USP46: variants seen among roughly 807,000 people sequenced by gnomAD.
The protein encoded by USP46 is ubiquitin carboxyl-terminal hydrolase 46.
A neutral mutation model predicts 44.4 loss-of-function variants in USP46; 12 were observed. The ratio of observed to expected loss-of-function variants is 0.27; its 90% CI spans 0.17 to 0.44. The LOEUF (loss-of-function observed/expected upper bound fraction) is 0.44, where lower values mean the gene tolerates loss of function less well. USP46 is among the 20% of genes least tolerant of loss of function. The probability of loss-of-function intolerance (pLI) is 1.00; values close to 1 mark genes in which losing one functional copy is unlikely to be tolerated. For synonymous variants in USP46, 155 were observed against 161.5 expected (o/e 0.96, Z 0.31); for missense variants, 248 against 444.8 (o/e 0.56, Z 3.98).
intron 5 of USP46, 86 bp downstream of exon 5, chr4:52,610,455 A>G: frequency 8.4e-7 from 1 of 1,188,488 alleles, no homozygotes; most frequent in Non-Finnish European, 1.2e-6. Flanking sequence ...AGAAGGGAAG[A>G]TTATGTCCTG....
chr4:52,636,799 T>A (rs924375316), intron 1 of USP46, among the ~76,000 whole-genome samples: 1 of 150,956 alleles, frequency 6.6e-6, no homozygotes, highest in Non-Finnish European at 1.5e-5. Context: ...AGGTGTTCCA[T>A]AATAAAATCT....
intron 1 of USP46, among the ~76,000 whole-genome samples, chr4:52,635,183 T>C (rs965278414): frequency 8.6e-5 from 13 of 151,738 alleles, no homozygotes; most frequent in Middle Eastern, 6.8e-3. Context: ...CCAGAACCTC[T>C]AGTCCTCTAC....
rs71195120 is a variant in USP46, at chr4:52,632,990, A to AAAAGAAAGAAAG, written c.37-1858_37-1847dup. ...AAAGAAAGAAAGAAAGAAAGAAAAG[A>AAAAGAAAGAAAG]AAAGAAAGAAAGAAAGAAAGAAAGA... On this transcript the variant is annotated intron_variant, in intron 1 of 8. Transcript: ENST00000441222. Among the ~76,000 whole-genome samples, 599 of 66,168 alleles carry AAAAGAAAGAAAG rather than the reference A, an allele frequency of 9.1e-3. 16 individuals carry two copies. Among genetic ancestry groups the AAAAGAAAGAAAG allele is most frequent in the African/African-American group, 0.014 (227 of 16,466 alleles). The allele number at this position is 66,168 out of a possible 152,430, so 43.4% of individuals were successfully genotyped here.
intron 2 of USP46, 65 bp downstream of exon 2, chr4:52,630,999 T>C: frequency 3.8e-5 from 52 of 1,373,776 alleles, no homozygotes; most frequent in Non-Finnish European, 5.2e-5. Context: ...AAAAATGCAC[T>C]TAAAGTGGAG....
intron 1 of USP46, among the ~76,000 whole-genome samples, chr4:52,632,980 G>GA (rs375021775): frequency 0.023 from 1,599 of 70,762 alleles, 26 homozygotes; most frequent in Middle Eastern, 0.073. Flanking sequence ...AAGAAAGAAA[G>GA]AAAGAAAAGA....
intron 1 of USP46, among the ~76,000 whole-genome samples, chr4:52,635,265 T>C (rs1213395235): frequency 6.6e-6 from 1 of 152,170 alleles, no homozygotes; most frequent in Non-Finnish European, 1.5e-5. Context: ...CCCTGCCCTT[T>C]GGCCATACGA....
chr4:52,644,229 G>GTAAGTGGTGAACCTATGCATAGGTAA (rs1718453454), intron 1 of USP46, among the ~76,000 whole-genome samples: 2 of 152,312 alleles, frequency 1.3e-5, no homozygotes, highest in African/African-American at 4.8e-5. Context: ...GTTAGCATGA[G>GTAAGTGGTGAACCTATGCATAGGTAA]GCAGAGGTAA....
rs1485698043 is a variant in USP46 at position 52,610,425 on chromosome 4, T to C, written c.638+116A>G. On this transcript the variant is annotated intron_variant, in intron 5 of 8. Transcript: ENST00000441222. ...TTGGGAAAGGAGAGATAGAAAATAA[T>C]AGGATCATATTGGTTTAACAGAAGG... 3.0e-5 allele frequency: 26 copies of C among 855,016 alleles called. No homozygotes were observed. The South Asian group carries it at 4.6e-4, about 15-fold the overall frequency. 53.0% of individuals were successfully genotyped at this position (855,016 alleles called of 1,614,324 possible). A position where few individuals can be genotyped will look rare whatever the true frequency, so the allele number is the denominator to read the frequency against.
intron 3 of USP46, among the ~76,000 whole-genome samples, chr4:52,627,367 T>C (rs1717635119): frequency 6.6e-6 from 1 of 152,148 alleles, no homozygotes; most frequent in African/African-American, 2.4e-5. Flanking sequence ...AAACTGCCAA[T>C]ACAAAACTTC....
intron 4 of USP46, among the ~76,000 whole-genome samples, chr4:52,623,501 G>A (rs537520085): frequency 1.3e-5 from 2 of 152,268 alleles, no homozygotes; most frequent in African/African-American, 4.8e-5. Flanking sequence ...AAGGATGCAT[G>A]TTGTAATCTC....
chr4:52,627,990 G>C lies in USP46; in HGVS notation c.291C>G (p.Ile97Met), dbSNP rs780234060. The stretch of plus-strand genomic sequence containing the variant: ...GCCTTGAAATGAACTTCTTTGGTGG[G>C]ATGACGCCAACCTTCTTCTTCTGTG... ...IATQKKKVGV[I>M]PPKKFISRLR... The change falls in exon 3 of 9, where the codon ATC becomes ATG. Residue 97 changes from isoleucine (I) to methionine (M), a missense_variant. Ile to Met is a conservative substitution (Grantham distance 10, BLOSUM62 1). Around this residue, in one of 5 missense-constraint regions of USP46, gnomAD observed 54 missense variants for 135.0 expected, o/e 0.40. Coordinates refer to ENST00000441222, the MANE Select transcript of USP46 (RefSeq NM_022832.4). 1 of 1,613,756 alleles carries C rather than the reference G, an allele frequency of 6.2e-7. No individual in the cohort carries two copies. The highest frequency in any genetic ancestry group is 1.1e-5 in the South Asian group (1 of 91,040).
At chr4:52,613,817 A>G (rs1413725575) in intron 4 of USP46, among the ~76,000 whole-genome samples, 1 of 152,132 alleles carries the variant, frequency 6.6e-6, no homozygotes, top group East Asian at 1.9e-4. Flanking sequence ...CTAAATTTAC[A>G]CTATGTGACA....
intron 1 of USP46, among the ~76,000 whole-genome samples, chr4:52,633,841 C>G (rs1359070454): frequency 6.6e-6 from 1 of 152,182 alleles, no homozygotes; most frequent in African/African-American, 2.4e-5. Flanking sequence ...GAGACAGAGG[C>G]CTGGCCCACT....
intron 5 of USP46, among the ~76,000 whole-genome samples, chr4:52,606,658 AAAC>A (rs1716699442): frequency 6.6e-6 from 1 of 152,222 alleles, no homozygotes; most frequent in South Asian, 2.1e-4. Flanking sequence ...AGACACAGCC[AAAC>A]CATATCAGGC....
At chr4:52,634,670 C>T (rs1276075462) in intron 1 of USP46, among the ~76,000 whole-genome samples, 1 of 152,080 alleles carries the variant, frequency 6.6e-6, no homozygotes, top group African/African-American at 2.4e-5. Flanking sequence ...AGTGATCCAC[C>T]TGCCTCGGCC....
chr4:52,621,844 C>G (rs1037454526), intron 4 of USP46, among the ~76,000 whole-genome samples: 1 of 152,114 alleles, frequency 6.6e-6, no homozygotes, highest in Admixed American at 6.5e-5. Flanking sequence ...GCACTGTCTA[C>G]AAGCCAAAAA....
At chr4:52,598,597 A>C (rs749150595) in intron 8 of USP46, 31 bp downstream of exon 8, 1 of 1,584,204 alleles carries the variant, frequency 6.3e-7, no homozygotes, top group Non-Finnish European at 8.6e-7. Context: ...CTGATGCTCT[A>C]TGACTACTGG....
At chr4:52,633,674 T>C (rs1221860214) in intron 1 of USP46, among the ~76,000 whole-genome samples, 2 of 152,216 alleles carry the variant, frequency 1.3e-5, no homozygotes, top group African/African-American at 2.4e-5. Flanking sequence ...TCTTTCTTTA[T>C]GATGTAGGAA....
chr4:52,634,120 T>C (rs1269292796), intron 1 of USP46, among the ~76,000 whole-genome samples: 1 of 143,456 alleles, frequency 7.0e-6, no homozygotes, highest in Non-Finnish European at 1.5e-5. Flanking sequence ...GTCTTTTTTC[T>C]TTTTTTTTTT....
Sources: allele counts gnomAD v4.1 joint callset (sites outside exome capture counted in the v4.1 genomes callset), GRCh38; gene constraint gnomAD v4.1.1; regional missense constraint gnomAD v4.1.1; transcripts MANE v1.5; gene names NCBI Gene and HGNC (gene_info 2026-07-23, HGNC 2026-07-21).